PIP4P2: variants seen among roughly 807,000 people sequenced by gnomAD.
PIP4P2 encodes type 2 phosphatidylinositol 4,5-bisphosphate 4-phosphatase.
Under a neutral mutation model 33.3 loss-of-function variants are expected in PIP4P2, and 19 were observed. The ratio of observed to expected loss-of-function variants is 0.57; its 90% CI spans 0.40 to 0.84. The LOEUF is 0.84. Ranked by LOEUF, PIP4P2 falls within the 40% of genes least tolerant of loss-of-function variation. PIP4P2 has a pLI of 0.00. For synonymous variants in PIP4P2, 110 were observed against 111.9 expected (o/e 0.98, Z 0.11); for missense variants, 270 against 324.7 (o/e 0.83, Z 1.29).
intron 1 of PIP4P2, among the ~76,000 whole-genome samples, chr8:91,037,280 T>C (rs1812244418): frequency 6.6e-6 from 1 of 152,188 alleles, no homozygotes; most frequent in Non-Finnish European, 1.5e-5. Context: ...GCTGTTTCCA[T>C]TTTAGCCACG....
chr8:91,018,285 T>A, intron 4 of PIP4P2, 105 bp downstream of exon 4: 1 of 1,522,026 alleles, frequency 6.6e-7, no homozygotes, highest in Middle Eastern at 1.8e-4. Flanking sequence ...TTTAATATTT[T>A]GATTAATTTG....
chr8:91,040,123 T>C (rs1258476484), intron 1 of PIP4P2, among the ~76,000 whole-genome samples: 1 of 152,192 alleles, frequency 6.6e-6, no homozygotes, highest in Non-Finnish European at 1.5e-5. Flanking sequence ...ATTTTGGATA[T>C]GGCAATTCAC....
rs1381304248 is a variant in PIP4P2 at position 90,994,811 on chromosome 8, C to T, written c.*866G>A. On this transcript the variant is annotated 3_prime_UTR_variant, in exon 7 of 7. Coordinates refer to ENST00000285419, the MANE Select transcript of PIP4P2 (RefSeq NM_018710.3). ...ATGATCTAAGGGAAAGGGGCACAAC[C>T]CAATGTAAATATATCTTTGGATAAA... 1 of 151,894 alleles carries T rather than the reference C, an allele frequency of 6.6e-6. No individual in the cohort carries two copies. Among genetic ancestry groups the T allele is most frequent in the African/African-American group, 2.4e-5 (1 of 41,386 alleles). The allele number at this position is 151,894 out of a possible 1,614,324, so 9.4% of individuals were successfully genotyped here.
intron 5 of PIP4P2, among the ~76,000 whole-genome samples, chr8:91,004,769 T>G (rs755529624): frequency 6.6e-6 from 1 of 151,808 alleles, no homozygotes; most frequent in Non-Finnish European, 1.5e-5. Context: ...GAGTATGAAA[T>G]ACAAAAATGA....
At chr8:91,028,826 C>A (rs569115545) in intron 1 of PIP4P2, among the ~76,000 whole-genome samples, 2 of 152,242 alleles carry the variant, frequency 1.3e-5, no homozygotes, top group African/African-American at 4.8e-5. Context: ...TGCTTCATAA[C>A]TGAAGTGATG....
At chr8:90,997,828 G>T (rs1811648513) in intron 5 of PIP4P2, among the ~76,000 whole-genome samples, 2 of 152,022 alleles carry the variant, frequency 1.3e-5, no homozygotes, top group Non-Finnish European at 2.9e-5. Context: ...TACTAGGCAT[G>T]ATTTAGAAAC....
intron 1 of PIP4P2, among the ~76,000 whole-genome samples, chr8:91,030,610 G>T (rs569341104): frequency 6.6e-6 from 1 of 152,228 alleles, no homozygotes; most frequent in South Asian, 2.1e-4. Flanking sequence ...CATATGCTCA[G>T]AATTGTTACT....
At chr8:90,996,819 T>C in intron 5 of PIP4P2, 75 bp from the exon 6 acceptor site, 1 of 1,162,256 alleles carries the variant, frequency 8.6e-7, no homozygotes, top group Non-Finnish European at 1.2e-6. Flanking sequence ...TGTGAGTTCT[T>C]ATCTATGGCT....
At chr8:91,031,374 T>C (rs1305188533) in intron 1 of PIP4P2, among the ~76,000 whole-genome samples, 1 of 152,240 alleles carries the variant, frequency 6.6e-6, no homozygotes, top group Non-Finnish European at 1.5e-5. Flanking sequence ...CATTTCTCTA[T>C]ATTGTTTCTC....
In PIP4P2 at chr8:90,994,167, A is replaced by T. The variant is rs924681998; in HGVS notation, c.*1510T>A. On this transcript the variant is annotated 3_prime_UTR_variant, in exon 7 of 7. Transcript: ENST00000285419. ...AATAGTACAAAAAACATAAATGAAT[A>T]TTATATAAAGAAACAGGTACATTCC... 6.6e-6 allele frequency: 1 copy of T among 152,172 alleles called. No homozygotes were observed. Among genetic ancestry groups the T allele is most frequent in the African/African-American group, 2.4e-5 (1 of 41,462 alleles). The allele number at this position is 152,172 out of a possible 1,614,324, so 9.4% of individuals were successfully genotyped here. A position where few individuals can be genotyped will look rare whatever the true frequency, so the allele number is the denominator to read the frequency against.
At chr8:91,023,271 A>G (rs560085481) in intron 1 of PIP4P2, among the ~76,000 whole-genome samples, 73 of 151,828 alleles carry the variant, frequency 4.8e-4, no homozygotes, top group African/African-American at 1.2e-3. Context: ...GTTGTACAGT[A>G]ACATTACATA....
chr8:91,022,666 T>C (rs1039078616), intron 1 of PIP4P2, among the ~76,000 whole-genome samples: 1 of 152,220 alleles, frequency 6.6e-6, no homozygotes, highest in Non-Finnish European at 1.5e-5. Flanking sequence ...TCCACTGTAT[T>C]AGGTCCTAAA....
intron 5 of PIP4P2, among the ~76,000 whole-genome samples, chr8:90,997,892 A>C (rs1811649644): frequency 6.6e-6 from 1 of 152,104 alleles, no homozygotes; most frequent in African/African-American, 2.4e-5. Context: ...TTTAATTTCC[A>C]AATCTTTTTG....
At chr8:91,021,510 G>A (rs112193111) in intron 1 of PIP4P2, 106 bp from the exon 2 acceptor site, 19 of 1,327,762 alleles carry the variant, frequency 1.4e-5, no homozygotes, top group Non-Finnish European at 1.8e-5. Context: ...ATTTTCCCAC[G>A]TTCTTTTATT....
At chr8:91,023,568 CAAAA>C (rs150852197) in intron 1 of PIP4P2, among the ~76,000 whole-genome samples, 1 of 141,954 alleles carries the variant, frequency 7.0e-6, no homozygotes, top group Non-Finnish European at 1.6e-5. Context: ...TTTAATCTGC[CAAAA>C]AAAAAACGCC....
chr8:91,004,530 T>C (rs577506182), intron 5 of PIP4P2, among the ~76,000 whole-genome samples: 1 of 152,258 alleles, frequency 6.6e-6, no homozygotes, highest in South Asian at 2.1e-4. Flanking sequence ...TAGTATCAAA[T>C]GCTACAGAGA....
At chr8:91,031,609 C>T (rs1812165255) in intron 1 of PIP4P2, among the ~76,000 whole-genome samples, 1 of 152,150 alleles carries the variant, frequency 6.6e-6, no homozygotes, top group Non-Finnish European at 1.5e-5. Context: ...GAAGTAAATG[C>T]TTAGAATAAA....
intron 1 of PIP4P2, among the ~76,000 whole-genome samples, chr8:91,025,931 A>C (rs987334525): frequency 6.6e-6 from 1 of 152,194 alleles, no homozygotes; most frequent in African/African-American, 2.4e-5. Context: ...CTTTGAAACC[A>C]AAGAAAACTA....
intron 2 of PIP4P2, among the ~76,000 whole-genome samples, chr8:91,020,613 T>G (rs1368789702): frequency 2.0e-5 from 3 of 152,202 alleles, no homozygotes; most frequent in Non-Finnish European, 2.9e-5. Flanking sequence ...AACCAGTGTA[T>G]GCTTTACCAG....
Sources: gnomAD v4.1 joint callset for allele counts (sites outside exome capture counted in the v4.1 genomes callset) on GRCh38, gnomAD v4.1.1 for gene constraint, MANE v1.5 for transcripts, NCBI Gene and HGNC (gene_info 2026-07-23, HGNC 2026-07-21) for gene names.